Variants in TRIT1 observed in about 807,000 individuals in gnomAD.
TRIT1 encodes tRNA dimethylallyltransferase.
TRIT1 carries 43 observed loss-of-function variants against 51.2 expected under a neutral mutation model. That is an observed-to-expected ratio of 0.84 (90% CI 0.66 to 1.08). TRIT1 has a LOEUF of 1.08. TRIT1 is among the 50% of genes least tolerant of loss of function. The probability of loss-of-function intolerance (pLI) is 0.00; values close to 1 mark genes in which losing one functional copy is unlikely to be tolerated. For synonymous variants in TRIT1, 184 were observed against 203.9 expected, an observed-to-expected ratio of 0.90 and a Z score of 0.83; for missense variants, 528 against 578.4, an observed-to-expected ratio of 0.91 and a Z score of 0.89.
chr1:39,861,769 TA>T (rs968049567), intron 1 of TRIT1, among the ~76,000 whole-genome samples: 5 of 151,078 alleles, frequency 3.3e-5, no homozygotes, highest in Non-Finnish European at 7.4e-5. Context: ...ACTAAAAATA[TA>T]AAAATTAGCC....
chr1:39,862,763 T>C, intron 1 of TRIT1: 6 of 985,244 alleles, frequency 6.1e-6, no homozygotes, highest in Non-Finnish European at 7.2e-6. Flanking sequence ...CATGTGAGAT[T>C]TGTAGCTGAA....
chr1:39,868,806 T>A (rs1477957491), intron 1 of TRIT1, among the ~76,000 whole-genome samples: 1 of 152,162 alleles, frequency 6.6e-6, no homozygotes, highest in Non-Finnish European at 1.5e-5. Flanking sequence ...ACGCCTGTAA[T>A]CCCAGCACTT....
intron 4 of TRIT1, among the ~76,000 whole-genome samples, chr1:39,850,672 A>C (rs1209280640): frequency 6.6e-6 from 1 of 152,216 alleles, no homozygotes; most frequent in Non-Finnish European, 1.5e-5. Flanking sequence ...TTCTGAAATC[A>C]GTTAAATAGG....
chr1:39,875,823 C>T (rs1364366029), intron 1 of TRIT1, among the ~76,000 whole-genome samples: 1 of 152,028 alleles, frequency 6.6e-6, no homozygotes, highest in Non-Finnish European at 1.5e-5. Flanking sequence ...AAGTATAAAA[C>T]AGCATGGAGA....
intron 1 of TRIT1, among the ~76,000 whole-genome samples, chr1:39,872,141 G>A (rs967340570): frequency 6.9e-6 from 1 of 145,824 alleles, no homozygotes; most frequent in African/African-American, 2.6e-5. Context: ...AAACTTCTAG[G>A]CTCAAGCAAT....
rs913024005 is a variant in TRIT1 at position 39,869,954 on chromosome 1, G to A, written c.175-12537C>T. Among the ~76,000 whole-genome samples the A allele has an allele frequency of 4.6e-5, 7 of 151,876 alleles. No individual in the cohort carries two copies. In the East Asian group the frequency reaches 1.2e-3, roughly 26 times the overall value. On this transcript the variant is annotated intron_variant, in intron 1 of 10. Coordinates refer to ENST00000316891, the MANE Select transcript of TRIT1 (RefSeq NM_017646.6). Reference sequence around the variant, plus strand: ...AGGCGGGGGGCGCCTCTGCCTGGCTGCCCCGTCTGGGAGGTGGGGGGCCCC... The same window carrying A: ...AGGCGGGGGGCGCCTCTGCCTGGCTACCCCGTCTGGGAGGTGGGGGGCCCC...
chr1:39,844,475 G>T, intron 9 of TRIT1, 56 bp downstream of exon 9: 1 of 1,358,548 alleles, frequency 7.4e-7, no homozygotes, highest in Non-Finnish European at 1.1e-6. Flanking sequence ...AAAGGTGTCA[G>T]CTAATGAAAG....
intron 8 of TRIT1, among the ~76,000 whole-genome samples, chr1:39,845,192 G>A (rs531823890): frequency 6.6e-6 from 1 of 152,382 alleles, no homozygotes; most frequent in South Asian, 2.1e-4. Context: ...AGAAGTCTTA[G>A]AATTGATGTA....
At chr1:39,864,025 G>T (rs575857324) in intron 1 of TRIT1, among the ~76,000 whole-genome samples, 2 of 151,960 alleles carry the variant, frequency 1.3e-5, no homozygotes, top group Non-Finnish European at 2.9e-5. Context: ...CCAAGTAGCT[G>T]GGATTATAGG....
intron 1 of TRIT1, among the ~76,000 whole-genome samples, chr1:39,876,560 A>C (rs2780908): frequency 0.22 from 25,780 of 117,440 alleles, 2,251 homozygotes; most frequent in East Asian, 0.29. Context: ...ATCTATCTAT[A>C]TATATATATG....
chr1:39,842,937 T>C (rs1350145078), intron 10 of TRIT1, among the ~76,000 whole-genome samples: 1 of 152,128 alleles, frequency 6.6e-6, no homozygotes, highest in African/African-American at 2.4e-5. Flanking sequence ...ACTTGACAGA[T>C]GGCACTACAG....
intron 1 of TRIT1, chr1:39,862,713 A>C (rs1390919456): frequency 1.1e-6 from 1 of 937,522 alleles, no homozygotes; most frequent in African/African-American, 1.8e-5. Flanking sequence ...AAATGCCACA[A>C]TCAGGCTTAT....
At position 39,838,897 on chromosome 1, in the gene TRIT1, TGA is replaced by T. The variant is rs1652473841; in HGVS notation, c.*2845_*2846del. 6.6e-6 allele frequency among the ~76,000 whole-genome samples: 1 copy of T among 151,954 alleles called. No homozygotes were observed. The highest frequency in any genetic ancestry group is 2.1e-4 in the South Asian group (1 of 4,828). ...GAGCTAAGAGAGGACAAAAAATTAC[TGA>T]GAGTTAGGAAGGATCAAGCCATATT... On this transcript the variant is annotated 3_prime_UTR_variant, in exon 11 of 11. Transcript: ENST00000316891.
chr1:39,846,556 T>C (rs1447496406), intron 8 of TRIT1, among the ~76,000 whole-genome samples: 2 of 152,186 alleles, frequency 1.3e-5, no homozygotes, highest in Non-Finnish European at 2.9e-5. Flanking sequence ...CATTCAGTTA[T>C]CTACTGCCGA....
rs552369524 is a variant in TRIT1, at chr1:39,842,040, A to G, written c.1235-127T>C. 6 of 1,051,922 alleles carry G rather than the reference A, an allele frequency of 5.7e-6. No homozygotes were observed. The South Asian group carries it at 1.0e-4, about 18-fold the overall frequency. 65.2% of individuals were successfully genotyped at this position (1,051,922 alleles called of 1,614,324 possible). On this transcript the variant is annotated intron_variant, in intron 10 of 10. Coordinates refer to ENST00000316891, the MANE Select transcript of TRIT1 (RefSeq NM_017646.6). ...CAACAATAAACAGCAAGATCAACAC[A>G]TGTACTAGTATAGCTGCTTAGCATT...
At chr1:39,872,068 ATTTTT>A (rs59839907) in intron 1 of TRIT1, among the ~76,000 whole-genome samples, 1 of 114,252 alleles carries the variant, frequency 8.8e-6, no homozygotes, top group African/African-American at 3.7e-5. Flanking sequence ...GGCCTGACTA[ATTTTT>A]TTTTTTTTTT....
chr1:39,852,597 C>T (rs1642645853), intron 4 of TRIT1, 134 bp downstream of exon 4: 10 of 1,121,902 alleles, frequency 8.9e-6, no homozygotes, highest in East Asian at 2.4e-5. Flanking sequence ...GCCTCCCAAC[C>T]TGCTGAGCTA....
rs150969485 is a variant in TRIT1, at chr1:39,858,038, T to A, written c.175-621A>T. 5.6e-4 allele frequency among the ~76,000 whole-genome samples: 85 copies of A among 152,314 alleles called. 1 individual carries two copies. The East Asian group carries it at 0.015, about 27-fold the overall frequency. ...ACAATCTAAATACTCAAAGGCAATA[T>A]CCTGTCTGTGAGCTCTTGATCTGCC... On this transcript the variant is annotated intron_variant, in intron 1 of 10. Transcript: ENST00000316891.
chr1:39,844,005 T>TA (rs1284375436), intron 10 of TRIT1, 96 bp downstream of exon 10: 2 of 798,582 alleles, frequency 2.5e-6, no homozygotes, highest in African/African-American at 1.7e-5. Context: ...TACAAATAAA[T>TA]AGACTCCAGG....
Sources: allele counts gnomAD v4.1 joint callset (sites outside exome capture counted in the v4.1 genomes callset), GRCh38; gene constraint gnomAD v4.1.1; transcripts MANE v1.5; gene names NCBI Gene and HGNC (gene_info 2026-07-23, HGNC 2026-07-21).